The following KLHL3 variants were observed in gnomAD, a reference collection of about 807,000 sequenced individuals.
KLHL3 encodes the protein kelch like family member 3.
Under a neutral mutation model 70.5 loss-of-function variants are expected in KLHL3, and 19 were observed. The ratio of observed to expected loss-of-function variants is 0.27; its 90% CI spans 0.19 to 0.40. The LOEUF is 0.40. Among genes scored for constraint, KLHL3 ranks in the 10% least tolerant of loss-of-function variants. KLHL3 has a pLI of 1.00. For synonymous variants in KLHL3, 258 were observed against 290.3 expected, an observed-to-expected ratio of 0.89 and a Z score of 1.13; for missense variants, 512 against 771.1, an observed-to-expected ratio of 0.66 and a Z score of 3.98.
intron 5 of KLHL3, among the ~76,000 whole-genome samples, chr5:137,690,869 G>C (rs1437685540): frequency 6.6e-6 from 1 of 152,176 alleles, no homozygotes; most frequent in East Asian, 1.9e-4. Context: ...TAGCAGCCAT[G>C]ACAGTGCTTG....
At chr5:137,675,883 T>A (rs1219325717) in intron 6 of KLHL3, among the ~76,000 whole-genome samples, 2 of 152,214 alleles carry the variant, frequency 1.3e-5, no homozygotes, top group Admixed American at 1.3e-4. Flanking sequence ...ACTTAGAACA[T>A]GCTCAGGGGG....
chr5:137,677,660 C>T lies in KLHL3; in HGVS notation c.527-6G>A. ...CACCTCTGGAAAGTGCTGCTCTGTT[C>T]CAAAAAAAAAAAAAAGAAGTTAAGA... On this transcript the variant is annotated splice_region_variant and splice_polypyrimidine_tract_variant and intron_variant, in intron 5 of 14. Transcript: ENST00000309755. The T allele has an allele frequency of 6.8e-7, 1 of 1,473,144 alleles. No homozygotes were observed. Among genetic ancestry groups the T allele is most frequent in the Non-Finnish European group, 9.1e-7 (1 of 1,095,496 alleles). The allele number at this position is 1,473,144 out of a possible 1,614,324, so 91.3% of individuals were successfully genotyped here.
intron 6 of KLHL3, among the ~76,000 whole-genome samples, chr5:137,662,842 A>C (rs1751515809): frequency 6.6e-6 from 1 of 152,180 alleles, no homozygotes. Flanking sequence ...TTAAATGTGC[A>C]TTCTCGTTGA....
intron 11 of KLHL3, among the ~76,000 whole-genome samples, chr5:137,635,366 CT>C (rs1014233387): frequency 3.3e-5 from 5 of 152,180 alleles, no homozygotes; most frequent in Non-Finnish European, 5.9e-5. Context: ...CTAAGCAGCT[CT>C]TCTAGGGTCC....
chr5:137,724,884 G>A (rs1049099860), intron 1 of KLHL3, among the ~76,000 whole-genome samples: 4 of 152,164 alleles, frequency 2.6e-5, no homozygotes, highest in African/African-American at 9.7e-5. Flanking sequence ...GTAGAGATGG[G>A]ATCTGAGTTT....
intron 3 of KLHL3, chr5:137,706,139 C>G: frequency 1.0e-6 from 1 of 985,368 alleles, no homozygotes; most frequent in Non-Finnish European, 1.2e-6. Flanking sequence ...GACATTTGGG[C>G]AACATGAACT....
chr5:137,734,604 T>C (rs1195381386), intron 1 of KLHL3, among the ~76,000 whole-genome samples: 2 of 152,158 alleles, frequency 1.3e-5, no homozygotes, highest in Non-Finnish European at 2.9e-5. Context: ...GTTGACTTAG[T>C]TGAGCCTATT....
chr5:137,666,299 G>C (rs1263995799), intron 6 of KLHL3, among the ~76,000 whole-genome samples: 2 of 152,164 alleles, frequency 1.3e-5, no homozygotes, highest in Non-Finnish European at 2.9e-5. Flanking sequence ...GTCTGCCTTT[G>C]CCAGGTTAGG....
intron 3 of KLHL3, among the ~76,000 whole-genome samples, chr5:137,708,097 C>T (rs1752719999): frequency 6.6e-6 from 1 of 152,212 alleles, no homozygotes; most frequent in Non-Finnish European, 1.5e-5. Flanking sequence ...GGGAATGCAG[C>T]TCAAAATTTC....
intron 6 of KLHL3, among the ~76,000 whole-genome samples, chr5:137,677,218 G>A (rs554995906): frequency 3.3e-4 from 50 of 152,056 alleles, no homozygotes; most frequent in Non-Finnish European, 6.0e-4. Flanking sequence ...AGGCTGAGGC[G>A]GGCGGATTGC....
intron 8 of KLHL3, among the ~76,000 whole-genome samples, chr5:137,650,951 G>A (rs572524346): frequency 3.2e-4 from 48 of 152,104 alleles, no homozygotes; most frequent in Middle Eastern, 6.9e-3. Flanking sequence ...CCCCAGGAAC[G>A]ACAACTGGAT....
chr5:137,712,156 CA>C (rs201519598), intron 2 of KLHL3, among the ~76,000 whole-genome samples: 1,667 of 74,588 alleles, frequency 0.022, 8 homozygotes, highest in African/African-American at 0.054. Flanking sequence ...AAGATTCTGT[CA>C]AAAAAAAAAA....
At chr5:137,682,045 C>T (rs1360641041) in intron 5 of KLHL3, among the ~76,000 whole-genome samples, 1 of 152,108 alleles carries the variant, frequency 6.6e-6, no homozygotes, top group Admixed American at 6.5e-5. Context: ...TCTGGGGGTA[C>T]AGTTGGGTCT....
Position 137,639,071 on chromosome 5 carries a change from A to G in KLHL3, c.1101T>C (p.Tyr367=), listed in dbSNP as rs1750843192. The change falls in exon 10 of 15, where the codon TAT becomes TAC. Residue 367 remains tyrosine, a synonymous_variant. Coordinates refer to ENST00000309755, the MANE Select transcript of KLHL3 (RefSeq NM_017415.3). This position sits in a 1 kb window ranked among gnomAD's most constrained non-coding sequence, Gnocchi z 5.0. ...GSLRVRTVDV[Y]DGVKDQWTSI... The stretch of plus-strand genomic sequence containing the variant: ...ACGTCCACTGGTCCTTCACGCCGTC[A>G]TACACATCCACTGTCCGCACCCGCA... 6.2e-7 allele frequency: 1 copy of G among 1,614,126 alleles called. No individual in the cohort carries two copies. Among genetic ancestry groups the G allele is most frequent in the Non-Finnish European group, 8.5e-7 (1 of 1,180,024 alleles).
intron 2 of KLHL3, among the ~76,000 whole-genome samples, chr5:137,719,431 A>C (rs1450590551): frequency 6.6e-6 from 1 of 152,238 alleles, no homozygotes; most frequent in Non-Finnish European, 1.5e-5. Flanking sequence ...AGATGAAATA[A>C]ACAATTACAC....
chr5:137,628,786 T>C (rs1041642744), intron 12 of KLHL3: 2 of 167,960 alleles, frequency 1.2e-5, no homozygotes, highest in African/African-American at 4.8e-5. Flanking sequence ...GGAGAGGATG[T>C]TCATAAGCAA....
chr5:137,628,069 G>A (rs1473290577), intron 13 of KLHL3: 11 of 552,054 alleles, frequency 2.0e-5, no homozygotes, highest in East Asian at 1.9e-4. Flanking sequence ...CCTTCACTGC[G>A]GGGAAAGGGG....
intron 1 of KLHL3, among the ~76,000 whole-genome samples, chr5:137,723,375 A>T (rs561961850): frequency 3.3e-5 from 5 of 152,252 alleles, no homozygotes; most frequent in Non-Finnish European, 7.3e-5. Context: ...CCTATCCATG[A>T]ACATAGGATA....
At chr5:137,709,563 C>A (rs576530917) in intron 3 of KLHL3, among the ~76,000 whole-genome samples, 187 bp downstream of exon 3, 42 of 152,334 alleles carry the variant, frequency 2.8e-4, no homozygotes, top group Non-Finnish European at 4.1e-4. Flanking sequence ...GCTACATGCC[C>A]AACTGGCCTG....
Sources: gnomAD v4.1 joint callset for allele counts (sites outside exome capture counted in the v4.1 genomes callset) on GRCh38, gnomAD v4.1.1 for gene constraint, Gnocchi (gnomAD v3.1) non-coding constraint, MANE v1.5 for transcripts, NCBI Gene and HGNC (gene_info 2026-07-23, HGNC 2026-07-21) for gene names.